The following PTK7 variants were observed in gnomAD, a reference collection of about 807,000 sequenced individuals.
The protein encoded by PTK7 is protein tyrosine kinase 7 (inactive).
PTK7 carries 39 observed loss-of-function variants against 116.6 expected under a neutral mutation model. The observed-to-expected ratio is 0.33, with a 90% CI of 0.26 to 0.44. The LOEUF (loss-of-function observed/expected upper bound fraction) is 0.44. Ranked by LOEUF, PTK7 falls within the 20% of genes least tolerant of loss-of-function variation. The pLI is 1.00. For synonymous variants in PTK7, 546 were observed against 563.6 expected (o/e 0.97, Z 0.44); for missense variants, 1,169 against 1,425.6 (o/e 0.82, Z 2.90).
intron 17 of PTK7, among the ~76,000 whole-genome samples, chr6:43,157,556 G>T (rs1429131647): frequency 2.0e-5 from 3 of 149,482 alleles, no homozygotes; most frequent in Non-Finnish European, 4.4e-5. Flanking sequence ...ATAGACTTTT[G>T]AAGTAAAATG....
At chr6:43,111,371 C>T (rs1768185614) in intron 1 of PTK7, among the ~76,000 whole-genome samples, 2 of 152,270 alleles carry the variant, frequency 1.3e-5, no homozygotes, top group South Asian at 4.2e-4. Context: ...CAGAGAGAAC[C>T]ACTACAGCAG....
intron 7 of PTK7, among the ~76,000 whole-genome samples, chr6:43,136,110 T>G (rs1056873217): frequency 3.3e-5 from 5 of 151,570 alleles, no homozygotes; most frequent in African/African-American, 9.7e-5. Flanking sequence ...GAGCCGAGAT[T>G]GCGCCACTGC....
chr6:43,138,693 C>T, intron 7 of PTK7, 156 bp from the exon 8 acceptor site: 1 of 1,047,548 alleles, frequency 9.5e-7, no homozygotes, highest in Non-Finnish European at 1.3e-6. Context: ...AAGGTGCTGG[C>T]ACCTGGGTCT....
chr6:43,142,729 C>A, intron 13 of PTK7: 1 of 230,254 alleles, frequency 4.3e-6, no homozygotes, highest in Non-Finnish European at 8.7e-6. Flanking sequence ...TATTTCTCCT[C>A]TGGGGACTTG....
chr6:43,085,211 T>C (rs1766584668), intron 1 of PTK7, among the ~76,000 whole-genome samples: 1 of 152,224 alleles, frequency 6.6e-6, no homozygotes. Flanking sequence ...CCCCTCTGGC[T>C]AGCCCTGATG....
Position 43,161,205 on chromosome 6 carries a change from A to C in PTK7, c.*324A>C. ...CAACTTCTCCCCTTGACCGGGTCCAACTCTGCCACTCATCTGCCAACTTTG... is the reference window on the plus strand; with the variant it reads ...CAACTTCTCCCCTTGACCGGGTCCACCTCTGCCACTCATCTGCCAACTTTG... On this transcript the variant is annotated 3_prime_UTR_variant, in exon 20 of 20. Coordinates refer to ENST00000230419, the MANE Select transcript of PTK7 (RefSeq NM_002821.5). The C allele has an allele frequency of 3.9e-6, 1 of 253,760 alleles. No individual in the cohort carries two copies. Among genetic ancestry groups the C allele is most frequent in the South Asian group, 8.6e-5 (1 of 11,630 alleles). The allele number at this position is 253,760 out of a possible 1,614,324, so 15.7% of individuals were successfully genotyped here.
chr6:43,112,077 A>C (rs1768223769), intron 1 of PTK7, among the ~76,000 whole-genome samples: 1 of 151,916 alleles, frequency 6.6e-6, no homozygotes, highest in Non-Finnish European at 1.5e-5. Flanking sequence ...AGTGTATTTG[A>C]ATACAGGTAG....
Position 43,157,341 on chromosome 6 carries a change from TATATATATATATATATATA to T in PTK7, c.2722-1475_2722-1457del, listed in dbSNP as rs1371293570. On this transcript the variant is annotated intron_variant, in intron 17 of 19. Coordinates refer to ENST00000230419, the MANE Select transcript of PTK7 (RefSeq NM_002821.5). The stretch of plus-strand genomic sequence containing the variant: ...GACACACACGCTATATATATATATA[TATATATATATATATATATA>T]TATATTTTTTTTTTTCTTTTTTTTT... Among the ~76,000 whole-genome samples, 110 of 12,014 alleles carry T rather than the reference TATATATATATATATATATA, an allele frequency of 9.2e-3. 10 individuals carry two copies. The highest frequency in any genetic ancestry group is 0.01 in the African/African-American group (28 of 2,734). The allele number at this position is 12,014 out of a possible 152,430, so 7.9% of individuals were successfully genotyped here. A position where few individuals can be genotyped will look rare whatever the true frequency, so the allele number is the denominator to read the frequency against.
Position 43,141,797 on chromosome 6 carries a change from A to C in PTK7, c.1748A>C (p.His583Pro). The C allele has an allele frequency of 6.2e-7, 1 of 1,613,954 alleles. No homozygotes were observed. Among genetic ancestry groups the C allele is most frequent in the Non-Finnish European group, 8.5e-7 (1 of 1,179,984 alleles). Residue 583 changes from histidine to proline, a missense_variant, in exon 11 of 20, where the codon CAT becomes CCT. His to Pro is a moderately conservative substitution (Grantham distance 77, BLOSUM62 -2). Coordinates refer to ENST00000230419, the MANE Select transcript of PTK7 (RefSeq NM_002821.5). The surrounding 1 kb of genome is among the most constrained non-coding windows in gnomAD (Gnocchi z 4.9). ...GGGCCGCAGGGCCAGATTCGTGCCC[A>C]TGTCCAGCTCACTGTGGCAGGTGCG... ...SNGPQGQIRA[H>P]VQLTVAVFIT...
chr6:43,129,179 G>A lies in PTK7; in HGVS notation c.282G>A (p.Gln94=). The change falls in exon 2 of 20, where the codon CAG becomes CAA. Residue 94 remains glutamine, a synonymous_variant. Transcript: ENST00000230419. The surrounding 1 kb of genome is among the most constrained non-coding windows in gnomAD (Gnocchi z 4.5). ...SLSFAAVDRL[Q]DSGTFQCVAR... Reference sequence around the variant, plus strand: ...GCTTTGCAGCTGTGGACCGGCTGCAGGACTCTGGCACCTTCCAGTGTGTGG... The same window carrying A: ...GCTTTGCAGCTGTGGACCGGCTGCAAGACTCTGGCACCTTCCAGTGTGTGG... 1 of 1,614,188 alleles carries A rather than the reference G, an allele frequency of 6.2e-7. No homozygotes were observed. Among genetic ancestry groups the A allele is most frequent in the Non-Finnish European group, 8.5e-7 (1 of 1,180,046 alleles).
chr6:43,149,461 A>C (rs76115219), intron 17 of PTK7, among the ~76,000 whole-genome samples: 2 of 152,246 alleles, frequency 1.3e-5, no homozygotes, highest in African/African-American at 4.8e-5. Flanking sequence ...GAATTTTTCA[A>C]ACAAGCTCTC....
chr6:43,100,060 A>G (rs749538515), intron 1 of PTK7, among the ~76,000 whole-genome samples: 2 of 152,022 alleles, frequency 1.3e-5, no homozygotes, highest in Non-Finnish European at 2.9e-5. Flanking sequence ...GCTGTGAACC[A>G]CTGCACCTGG....
At chr6:43,146,441 A>C (rs937065662) in intron 16 of PTK7, among the ~76,000 whole-genome samples, 177 bp from the exon 17 acceptor site, 2 of 143,226 alleles carry the variant, frequency 1.4e-5, no homozygotes, top group Non-Finnish European at 1.5e-5. Context: ...GGCGTCTCCT[A>C]TATATTTTTA....
intron 17 of PTK7, among the ~76,000 whole-genome samples, chr6:43,157,364 A>ATATATATTTTT (rs70990168): frequency 9.2e-5 from 5 of 54,358 alleles, no homozygotes; most frequent in South Asian, 8.0e-4. Flanking sequence ...ATATATATAT[A>ATATATATTTTT]TTTTTTTTTT....
At position 43,121,302 on chromosome 6, in the gene PTK7, G is replaced by A. The variant is rs543955384; in HGVS notation, c.80-7675G>A. Among the ~76,000 whole-genome samples the A allele has an allele frequency of 2.0e-5, 3 of 152,272 alleles. No individual in the cohort carries two copies. In the South Asian group the frequency reaches 6.2e-4, roughly 32 times the overall value. On this transcript the variant is annotated intron_variant, in intron 1 of 19. Coordinates refer to ENST00000230419, the MANE Select transcript of PTK7 (RefSeq NM_002821.5). ...AGTGGGACAGGCAAGTCTGAGTTTC[G>A]GTTTTCACCGGAGATGTAAGAGCTG...
intron 1 of PTK7, among the ~76,000 whole-genome samples, chr6:43,116,498 G>T (rs1314875992): frequency 1.3e-5 from 2 of 152,152 alleles, no homozygotes; most frequent in Non-Finnish European, 2.9e-5. Flanking sequence ...AAATATAAAA[G>T]TATGAGACTG....
chr6:43,159,509 A>G (rs1339338581), intron 18 of PTK7: 7 of 492,976 alleles, frequency 1.4e-5, no homozygotes, highest in South Asian at 6.5e-5. Flanking sequence ...TTTACAACCA[A>G]TATAGAAAGT....
At chr6:43,151,504 G>A (rs535844959) in intron 17 of PTK7, among the ~76,000 whole-genome samples, 4 of 147,064 alleles carry the variant, frequency 2.7e-5, no homozygotes, top group African/African-American at 7.6e-5. Context: ...GAGGCACCGC[G>A]CCCAAGCCCC....
rs79289489 is a variant in PTK7, at chr6:43,116,178, G to A, written c.80-12799G>A. Among the ~76,000 whole-genome samples the A allele has an allele frequency of 4.5e-3, 687 of 152,254 alleles. 2 individuals carry two copies. The highest frequency in any genetic ancestry group is 7.0e-3 in the Non-Finnish European group (475 of 68,016). ...GACCCCTCCCCAGAAAGAAGGGTTGGTTTCCAGAAACAGCTGCTGCCTAGA... is the reference window on the plus strand; with the variant it reads ...GACCCCTCCCCAGAAAGAAGGGTTGATTTCCAGAAACAGCTGCTGCCTAGA... On this transcript the variant is annotated intron_variant, in intron 1 of 19. Coordinates refer to ENST00000230419, the MANE Select transcript of PTK7 (RefSeq NM_002821.5).
Sources: gnomAD v4.1 joint callset for allele counts (sites outside exome capture counted in the v4.1 genomes callset) on GRCh38, gnomAD v4.1.1 for gene constraint, Gnocchi (gnomAD v3.1) non-coding constraint, MANE v1.5 for transcripts, NCBI Gene and HGNC (gene_info 2026-07-23, HGNC 2026-07-21) for gene names.